DCDC2: variants seen among roughly 807,000 people sequenced by gnomAD.
DCDC2 encodes doublecortin domain-containing protein 2.
DCDC2 carries 40 observed loss-of-function variants against 50.2 expected under a neutral mutation model. The ratio of observed to expected loss-of-function variants is 0.80; its 90% CI spans 0.62 to 1.04. The LOEUF is 1.04. Ranked by LOEUF, DCDC2 falls within the 50% of genes least tolerant of loss-of-function variation. DCDC2 has a pLI of 0.00. For missense variants in DCDC2, 570 were observed against 581.9 expected (o/e 0.98, Z 0.21); for synonymous variants, 234 against 210.6 (o/e 1.11, Z -0.96).
chr6:24,323,818 G>A (rs1759812430), intron 2 of DCDC2, among the ~76,000 whole-genome samples: 1 of 152,122 alleles, frequency 6.6e-6, no homozygotes, highest in African/African-American at 2.4e-5. Flanking sequence ...ATTGGGTTTT[G>A]TTTTAGTTTC....
chr6:24,338,623 C>T (rs930608754), intron 2 of DCDC2, among the ~76,000 whole-genome samples: 1 of 152,120 alleles, frequency 6.6e-6, no homozygotes, highest in Admixed American at 6.5e-5. Context: ...CTGATGAAAT[C>T]CCTTCAATAG....
At chr6:24,222,146 G>A (rs1762132469) in intron 7 of DCDC2, among the ~76,000 whole-genome samples, 1 of 152,148 alleles carries the variant, frequency 6.6e-6, no homozygotes, top group Non-Finnish European at 1.5e-5. Context: ...AATCACAACT[G>A]TAGGGCAGTG....
At chr6:24,277,913 CAT>C in intron 7 of DCDC2, 134 bp downstream of exon 7, 1 of 705,780 alleles carries the variant, frequency 1.4e-6, no homozygotes. Flanking sequence ...CAGCATCTCT[CAT>C]ATACAAATAC....
At chr6:24,382,144 T>A in the DCDC2 span, among the ~76,000 whole-genome samples, 6 of 152,176 alleles carry the variant, frequency 3.9e-5, no homozygotes, top group African/African-American at 1.4e-4. Flanking sequence ...CAATTTTTCA[T>A]GTCCTTCACT....
chr6:24,330,205 G>T (rs893124853), intron 2 of DCDC2, among the ~76,000 whole-genome samples: 1 of 152,106 alleles, frequency 6.6e-6, no homozygotes, highest in East Asian at 1.9e-4. Context: ...ATCCCTCCTG[G>T]TATTACTTTC....
intron 4 of DCDC2, among the ~76,000 whole-genome samples, chr6:24,293,044 G>A (rs1763784954): frequency 6.6e-6 from 1 of 152,158 alleles, no homozygotes; most frequent in African/African-American, 2.4e-5. Context: ...GCATAGCTGT[G>A]GACTCTGGAA....
intron 7 of DCDC2, among the ~76,000 whole-genome samples, chr6:24,225,639 G>A (rs1762217376): frequency 6.6e-6 from 1 of 151,994 alleles, no homozygotes; most frequent in Non-Finnish European, 1.5e-5. Flanking sequence ...AATTTCTAAT[G>A]TCAGCAAGCC....
intron 7 of DCDC2, among the ~76,000 whole-genome samples, chr6:24,209,541 C>G (rs1761809480): frequency 6.6e-6 from 1 of 152,124 alleles, no homozygotes; most frequent in Admixed American, 6.5e-5. Context: ...GGTAAGTGAT[C>G]CTTTTTGCCA....
intron 7 of DCDC2, among the ~76,000 whole-genome samples, chr6:24,232,174 C>CA (rs752897256): frequency 6.6e-6 from 1 of 152,086 alleles, no homozygotes; most frequent in Non-Finnish European, 1.5e-5. Context: ...TCCATGCACT[C>CA]AAGCAATGTT....
chr6:24,352,151 A>G (rs560134893), intron 2 of DCDC2, among the ~76,000 whole-genome samples: 2 of 152,286 alleles, frequency 1.3e-5, no homozygotes, highest in African/African-American at 2.4e-5. Context: ...TCTATTGCAC[A>G]CCTGTTGTCT....
At chr6:24,234,495 C>T (rs1002342965) in intron 7 of DCDC2, among the ~76,000 whole-genome samples, 50 of 151,746 alleles carry the variant, frequency 3.3e-4, no homozygotes, top group Non-Finnish European at 8.8e-5. Flanking sequence ...AAGGCAAAGC[C>T]CAGAAGAAAG....
chr6:24,244,515 C>A lies in DCDC2; in HGVS notation c.922+33534G>T, dbSNP rs187806730. On this transcript the variant is annotated intron_variant, in intron 7 of 9. Transcript: ENST00000378454. ...TCATTTGATCTGGCTGGGTAAATGT[C>A]ACGGTGTTCAGTGAGAAAAACAAAT... Among the ~76,000 whole-genome samples the A allele has an allele frequency of 2.1e-4, 32 of 152,302 alleles. No individual in the cohort carries two copies. In the East Asian group the frequency reaches 6.0e-3, roughly 29 times the overall value.
chr6:24,279,939 C>A (rs561554000), intron 6 of DCDC2, among the ~76,000 whole-genome samples: 22 of 152,310 alleles, frequency 1.4e-4, no homozygotes, highest in African/African-American at 4.8e-4. Context: ...AGAATGCTGT[C>A]TTCAAGAGCA....
chr6:24,378,267 T>C, the DCDC2 span, among the ~76,000 whole-genome samples: 44 of 152,310 alleles, frequency 2.9e-4, no homozygotes, highest in Non-Finnish European at 4.9e-4. Flanking sequence ...CACTTGTGTG[T>C]GTTTCCCCTC....
intron 6 of DCDC2, among the ~76,000 whole-genome samples, chr6:24,288,168 A>C (rs1763655830): frequency 6.6e-6 from 1 of 152,254 alleles, no homozygotes; most frequent in South Asian, 2.1e-4. Context: ...GAAGATGTCA[A>C]ATCAGTTCTG....
the DCDC2 span, among the ~76,000 whole-genome samples, chr6:24,381,712 A>C: frequency 6.6e-6 from 1 of 151,878 alleles, no homozygotes; most frequent in Non-Finnish European, 1.5e-5. Flanking sequence ...TGGGAGGCTG[A>C]GGCAGGAGCA....
At chr6:24,189,526 G>T (rs1483148877) in intron 8 of DCDC2, among the ~76,000 whole-genome samples, 1 of 152,112 alleles carries the variant, frequency 6.6e-6, no homozygotes, top group East Asian at 1.9e-4. Flanking sequence ...TCTAAAGAGA[G>T]ACCACAGCTC....
At chr6:24,226,240 C>A (rs1352585308) in intron 7 of DCDC2, among the ~76,000 whole-genome samples, 1 of 152,190 alleles carries the variant, frequency 6.6e-6, no homozygotes, top group African/African-American at 2.4e-5. Context: ...AAGACACAGT[C>A]CCTGGCCTCA....
chr6:24,324,697 A>G (rs1007486092), intron 2 of DCDC2, among the ~76,000 whole-genome samples: 3 of 152,084 alleles, frequency 2.0e-5, no homozygotes, highest in Non-Finnish European at 2.9e-5. Context: ...CAGCCCGAAT[A>G]ATATAGTAGA....
Sources: gnomAD v4.1 joint callset for allele counts (sites outside exome capture counted in the v4.1 genomes callset) on GRCh38, gnomAD v4.1.1 for gene constraint, MANE v1.5 for transcripts, NCBI Gene and HGNC (gene_info 2026-07-23, HGNC 2026-07-21) for gene names.